Variants in RBFOX1 observed in about 807,000 individuals in gnomAD.
RBFOX1 encodes RNA binding fox-1 homolog 1.
A neutral mutation model predicts 57.7 loss-of-function variants in RBFOX1; 8 were observed. The ratio of observed to expected loss-of-function variants is 0.14; its 90% confidence interval spans 0.08 to 0.25. RBFOX1 has a LOEUF of 0.25. Ranked by LOEUF, RBFOX1 falls within the 10% of genes least tolerant of loss-of-function variation. RBFOX1 has a pLI of 1.00. For missense variants in RBFOX1, 611 were observed against 548.5 expected, an observed-to-expected ratio of 1.11 and a Z score of -1.14; for synonymous variants, 326 against 222.4, an observed-to-expected ratio of 1.47 and a Z score of -4.15.
intron 3 of RBFOX1, among the ~76,000 whole-genome samples, chr16:6,661,312 G>T (rs1278514097): frequency 2.6e-5 from 4 of 152,186 alleles, no homozygotes; most frequent in Admixed American, 2.6e-4. Context: ...GTCTATGAAA[G>T]GCCCTCCTGG....
chr16:7,330,460 A>G (rs1234182346), intron 4 of RBFOX1, among the ~76,000 whole-genome samples: 3 of 136,578 alleles, frequency 2.2e-5, no homozygotes, highest in Admixed American at 7.4e-5. Context: ...GAACCCCAGA[A>G]TATGGAGAGC....
chr16:5,636,570 G>A (rs115656919), intron 3 of RBFOX1, among the ~76,000 whole-genome samples: 2 of 152,220 alleles, frequency 1.3e-5, no homozygotes, highest in South Asian at 4.1e-4. Flanking sequence ...TTCTGACTGG[G>A]ATATCAAGAT....
In RBFOX1 at chr16:5,553,164, G is replaced by C. The variant is rs78171449; in HGVS notation, c.259-45738G>C. On this transcript the variant is annotated intron_variant, in intron 2 of 2. Transcript: ENST00000585867. ...ACGGGCTGGGGGAGAGATAGCATTA[G>C]GACAAATACCTAATGTGAATGATGA... Among the ~76,000 whole-genome samples the C allele has an allele frequency of 9.2e-3, 1,397 of 152,170 alleles. 26 individuals carry two copies. The highest frequency in any genetic ancestry group is 0.032 in the African/African-American group (1,339 of 41,492).
At chr16:6,257,304 G>A (rs2097674065) in intron 1 of RBFOX1, among the ~76,000 whole-genome samples, 1 of 151,978 alleles carries the variant, frequency 6.6e-6, no homozygotes, top group Admixed American at 6.6e-5. Flanking sequence ...ATTAAAAATG[G>A]CCCCTCAGCC....
intron 4 of RBFOX1, among the ~76,000 whole-genome samples, chr16:7,174,010 G>C (rs548455502): frequency 6.6e-6 from 1 of 152,326 alleles, no homozygotes; most frequent in African/African-American, 2.4e-5. Flanking sequence ...CAGTGAACTG[G>C]TTGGAGTATA....
chr16:7,593,440 G>A (rs1300098221), intron 7 of RBFOX1, among the ~76,000 whole-genome samples: 3 of 152,026 alleles, frequency 2.0e-5, no homozygotes, highest in African/African-American at 4.8e-5. Flanking sequence ...TACCCAATAT[G>A]GGCATACTTT....
At chr16:6,696,328 T>C (rs2061040419) in intron 3 of RBFOX1, among the ~76,000 whole-genome samples, 2 of 150,520 alleles carry the variant, frequency 1.3e-5, no homozygotes, top group East Asian at 2.4e-4. Context: ...GAAGTTTTCT[T>C]TGGAAAAAAA....
chr16:6,937,651 C>G (rs995340203), intron 3 of RBFOX1, among the ~76,000 whole-genome samples: 1 of 151,968 alleles, frequency 6.6e-6, no homozygotes, highest in Non-Finnish European at 1.5e-5. Flanking sequence ...CAACTGGAAG[C>G]AAGGGTATGG....
intron 3 of RBFOX1, among the ~76,000 whole-genome samples, chr16:5,644,260 A>T (rs546053908): frequency 3.3e-5 from 5 of 152,214 alleles, no homozygotes; most frequent in African/African-American, 2.4e-5. Context: ...TTAAGGCTGT[A>T]TATGAAGGAC....
At chr16:7,244,099 T>C (rs1280967533) in intron 4 of RBFOX1, among the ~76,000 whole-genome samples, 3 of 152,000 alleles carry the variant, frequency 2.0e-5, no homozygotes, top group African/African-American at 7.2e-5. Flanking sequence ...TTTCTGTTTC[T>C]TAGGTCAGTC....
At chr16:5,271,722 T>C (rs2063013263) in intron 1 of RBFOX1, among the ~76,000 whole-genome samples, 1 of 152,220 alleles carries the variant, frequency 6.6e-6, no homozygotes, top group Non-Finnish European at 1.5e-5. Flanking sequence ...GGAAACTTTG[T>C]ACCCTTTGAC....
intron 2 of RBFOX1, among the ~76,000 whole-genome samples, chr16:6,631,468 A>G (rs1048574602): frequency 6.6e-6 from 1 of 152,078 alleles, no homozygotes; most frequent in African/African-American, 2.4e-5. Context: ...CAACGTGTGT[A>G]AAAAGCAGAC....
At chr16:5,870,467 A>C (rs143856963) in intron 4 of RBFOX1, among the ~76,000 whole-genome samples, 1 of 151,970 alleles carries the variant, frequency 6.6e-6, no homozygotes, top group Non-Finnish European at 1.5e-5. Context: ...GGGAATGGTC[A>C]GATGGTCATG....
chr16:7,326,569 CT>C, intron 4 of RBFOX1, among the ~76,000 whole-genome samples: 1 of 152,252 alleles, frequency 6.6e-6, no homozygotes, highest in South Asian at 2.1e-4. Flanking sequence ...TTAACTAGCA[CT>C]TTCTGGATGC....
At chr16:7,017,594 G>C (rs938675001) in intron 3 of RBFOX1, among the ~76,000 whole-genome samples, 1 of 152,142 alleles carries the variant, frequency 6.6e-6, no homozygotes, top group African/African-American at 2.4e-5. Context: ...GTTTTCATGA[G>C]GCTGGGGTCA....
chr16:5,614,007 G>C (rs1480485045), intron 3 of RBFOX1, among the ~76,000 whole-genome samples: 1 of 151,878 alleles, frequency 6.6e-6, no homozygotes, highest in Non-Finnish European at 1.5e-5. Flanking sequence ...TCTCTCAATG[G>C]GGCTGTGGAG....
At chr16:6,269,676 C>G (rs958533742) in intron 1 of RBFOX1, among the ~76,000 whole-genome samples, 3 of 152,124 alleles carry the variant, frequency 2.0e-5, no homozygotes, top group Non-Finnish European at 2.9e-5. Flanking sequence ...AAGACATTTT[C>G]AGATGAAGAA....
intron 4 of RBFOX1, among the ~76,000 whole-genome samples, chr16:7,509,941 A>G (rs1470046163): frequency 6.7e-6 from 1 of 150,318 alleles, no homozygotes; most frequent in Non-Finnish European, 1.5e-5. Context: ...TTTTTTAAAC[A>G]GCTATTAATG....
intron 2 of RBFOX1, among the ~76,000 whole-genome samples, chr16:6,418,530 T>TTTA (rs929203334): frequency 8.9e-5 from 13 of 145,762 alleles, no homozygotes; most frequent in African/African-American, 3.1e-4. Flanking sequence ...TTTTTTTTTT[T>TTTA]TTTTTTTTTT....
Sources: gnomAD v4.1 joint callset for allele counts (sites outside exome capture counted in the v4.1 genomes callset) on GRCh38, gnomAD v4.1.1 for gene constraint, MANE v1.5 for transcripts, NCBI Gene and HGNC (gene_info 2026-07-23, HGNC 2026-07-21) for gene names.